The following ASAP1 variants were observed in gnomAD, a reference collection of about 807,000 sequenced individuals.
ASAP1 encodes the protein ArfGAP with SH3 domain, ankyrin repeat and PH domain 1.
A neutral mutation model predicts 145.2 loss-of-function variants in ASAP1; 43 were observed. The ratio of observed to expected loss-of-function variants is 0.30; its 90% CI spans 0.23 to 0.38. The LOEUF (loss-of-function observed/expected upper bound fraction) is 0.38, where lower values mean the gene tolerates loss of function less well. Ranked by LOEUF, ASAP1 falls within the 10% of genes least tolerant of loss-of-function variation. The pLI, the probability that ASAP1 is intolerant of heterozygous loss-of-function variation, is 1.00. For missense variants in ASAP1, 1,018 were observed against 1,355.3 expected, an observed-to-expected ratio of 0.75 and a Z score of 3.91; for synonymous variants, 546 against 515.5, an observed-to-expected ratio of 1.06 and a Z score of -0.80.
intron 2 of ASAP1, among the ~76,000 whole-genome samples, chr8:130,398,816 T>C (rs1479422471): frequency 1.3e-5 from 2 of 152,194 alleles, no homozygotes; most frequent in Non-Finnish European, 2.9e-5. Flanking sequence ...TACGAAACCA[T>C]GGATCCAGAA....
At chr8:130,435,670 C>G (rs1478760198) in intron 1 of ASAP1, among the ~76,000 whole-genome samples, 2 of 152,126 alleles carry the variant, frequency 1.3e-5, no homozygotes. Flanking sequence ...TAGAGGAGAA[C>G]TGAGACCCCT....
chr8:130,086,758 C>G (rs1418245743), intron 25 of ASAP1, among the ~76,000 whole-genome samples: 2 of 152,136 alleles, frequency 1.3e-5, no homozygotes, highest in African/African-American at 2.4e-5. Flanking sequence ...GAGCTATGAT[C>G]ACGCCACTGC....
At chr8:130,440,860 T>G (rs1376866417) in intron 1 of ASAP1, among the ~76,000 whole-genome samples, 4 of 152,190 alleles carry the variant, frequency 2.6e-5, no homozygotes, top group African/African-American at 9.7e-5. Context: ...AGGACCAACT[T>G]GTGCCACCAG....
chr8:130,227,396 G>T (rs1160677703), intron 4 of ASAP1, among the ~76,000 whole-genome samples: 1 of 152,046 alleles, frequency 6.6e-6, no homozygotes, highest in African/African-American at 2.4e-5. Flanking sequence ...GGAACCACAG[G>T]TGCATGCCAC....
intron 25 of ASAP1, chr8:130,082,708 TTACTAA>T (rs2097483715): frequency 1.4e-5 from 2 of 140,188 alleles, no homozygotes; most frequent in African/African-American, 5.3e-5. Flanking sequence ...CAAGGTCTCA[TTACTAA>T]TTTTTTTTTT....
At chr8:130,269,039 T>C (rs1425239958) in intron 3 of ASAP1, among the ~76,000 whole-genome samples, 1 of 152,198 alleles carries the variant, frequency 6.6e-6, no homozygotes, top group African/African-American at 2.4e-5. Context: ...AAAACCATTA[T>C]TGGCCTCCAT....
intron 3 of ASAP1, among the ~76,000 whole-genome samples, chr8:130,345,511 G>A (rs555931533): frequency 6.6e-6 from 1 of 152,104 alleles, no homozygotes; most frequent in African/African-American, 2.4e-5. Flanking sequence ...ATTCTCTTCC[G>A]TTTACTTGCA....
intron 11 of ASAP1, among the ~76,000 whole-genome samples, chr8:130,164,148 G>C (rs887074489): frequency 2.0e-5 from 3 of 152,184 alleles, no homozygotes; most frequent in African/African-American, 7.2e-5. Flanking sequence ...ACTGTGACAT[G>C]AGTAAAACAG....
chr8:130,332,502 A>C (rs1221689680), intron 3 of ASAP1, among the ~76,000 whole-genome samples: 1 of 152,216 alleles, frequency 6.6e-6, no homozygotes, highest in African/African-American at 2.4e-5. Context: ...AAGAACATCT[A>C]ATTTTACTTC....
intron 5 of ASAP1, among the ~76,000 whole-genome samples, chr8:130,192,086 A>G (rs1815178103): frequency 6.6e-6 from 1 of 152,128 alleles, no homozygotes; most frequent in Admixed American, 6.5e-5. Flanking sequence ...AGGGATTTCT[A>G]CCAAGACAAT....
chr8:130,147,395 T>C (rs1380734808), intron 13 of ASAP1, among the ~76,000 whole-genome samples: 3 of 152,122 alleles, frequency 2.0e-5, no homozygotes, highest in Non-Finnish European at 4.4e-5. Flanking sequence ...TTAGGCCTCA[T>C]TAATAGCCCC....
intron 24 of ASAP1, among the ~76,000 whole-genome samples, chr8:130,092,506 A>T (rs2097507705): frequency 6.6e-6 from 1 of 152,124 alleles, no homozygotes; most frequent in Admixed American, 6.6e-5. Flanking sequence ...GTGTGCTTGT[A>T]GTCTCAGCTA....
chr8:130,086,538 T>TG (rs1176349421), intron 25 of ASAP1, among the ~76,000 whole-genome samples: 1 of 152,210 alleles, frequency 6.6e-6, no homozygotes, highest in Non-Finnish European at 1.5e-5. Flanking sequence ...GTGTGGTGGC[T>TG]CATGCCGGTA....
At chr8:130,237,743 T>G (rs1818299530) in intron 3 of ASAP1, among the ~76,000 whole-genome samples, 1 of 152,064 alleles carries the variant, frequency 6.6e-6, no homozygotes, top group Non-Finnish European at 1.5e-5. Flanking sequence ...TTCAGCAAAT[T>G]GTGCGTTTAG....
At chr8:130,161,293 C>T (rs937681459) in intron 11 of ASAP1, among the ~76,000 whole-genome samples, 2 of 152,042 alleles carry the variant, frequency 1.3e-5, no homozygotes, top group Admixed American at 1.3e-4. Flanking sequence ...CTGAACCAAC[C>T]ACTGGCTATT....
At chr8:130,093,559 C>T (rs555549011) in intron 24 of ASAP1, among the ~76,000 whole-genome samples, 4 of 146,142 alleles carry the variant, frequency 2.7e-5, no homozygotes, top group East Asian at 2.1e-4. Flanking sequence ...CCCAGCTGCT[C>T]GGGAGGCTGA....
At chr8:130,332,569 C>T (rs1824762430) in intron 3 of ASAP1, among the ~76,000 whole-genome samples, 1 of 152,152 alleles carries the variant, frequency 6.6e-6, no homozygotes, top group Admixed American at 6.5e-5. Flanking sequence ...ACATCAATAG[C>T]AATGCTTTTG....
chr8:130,134,264 A>C (rs146791614), intron 15 of ASAP1, 32 bp downstream of exon 15: 942 of 1,518,678 alleles, frequency 6.2e-4, no homozygotes, highest in Non-Finnish European at 8.0e-4. Context: ...TTTCAATCCA[A>C]GGCATCGCAC....
At chr8:130,235,968 C>T (rs1008123168) in intron 4 of ASAP1, among the ~76,000 whole-genome samples, 1 of 152,122 alleles carries the variant, frequency 6.6e-6, no homozygotes, top group African/African-American at 2.4e-5. Context: ...ATCCCTTCAA[C>T]AACTTTTTTT....
Sources: allele counts gnomAD v4.1 joint callset (sites outside exome capture counted in the v4.1 genomes callset), GRCh38; gene constraint gnomAD v4.1.1; transcripts MANE v1.5; gene names NCBI Gene and HGNC (gene_info 2026-07-23, HGNC 2026-07-21).